PARP8: variants seen among roughly 807,000 people sequenced by gnomAD.
PARP8 encodes the protein protein mono-ADP-ribosyltransferase PARP8.
A neutral mutation model predicts 124.1 loss-of-function variants in PARP8; 51 were observed. The ratio of observed to expected loss-of-function variants is 0.41; its 90% CI spans 0.33 to 0.52. The LOEUF (loss-of-function observed/expected upper bound fraction) is 0.52. PARP8 is among the 20% of genes least tolerant of loss of function. The probability of loss-of-function intolerance (pLI) is 0.21; values close to 1 mark genes in which losing one functional copy is unlikely to be tolerated. For missense variants in PARP8, 860 were observed against 1,018.9 expected, an observed-to-expected ratio of 0.84 and a Z score of 2.12; for synonymous variants, 391 against 361.5, an observed-to-expected ratio of 1.08 and a Z score of -0.93.
intron 2 of PARP8, among the ~76,000 whole-genome samples, chr5:50,678,569 A>G (rs1167848777): frequency 6.6e-6 from 1 of 152,218 alleles, no homozygotes; most frequent in African/African-American, 2.4e-5. Flanking sequence ...TAGATATATG[A>G]GAGAGAAATG....
At chr5:50,775,949 A>G (rs1739964519) in intron 7 of PARP8, among the ~76,000 whole-genome samples, 3 of 152,192 alleles carry the variant, frequency 2.0e-5, no homozygotes, top group Admixed American at 2.0e-4. Context: ...AGAGTGGTGA[A>G]GGTGGGCATC....
chr5:50,668,239 C>T lies in PARP8; in HGVS notation c.146+114C>T, dbSNP rs1749591294. On this transcript the variant is annotated intron_variant, in intron 2 of 25. Transcript: ENST00000281631. Reference sequence around the variant, plus strand: ...TTGCTTGTTTGTTTGATTATTGTGGCTTTTCTTTACCTGCTACCCAAGCCT... The same window carrying T: ...TTGCTTGTTTGTTTGATTATTGTGGTTTTTCTTTACCTGCTACCCAAGCCT... 6.1e-6 allele frequency: 6 copies of T among 983,182 alleles called. 1 individual carries two copies. In the South Asian group the frequency reaches 7.8e-5, roughly 13 times the overall value. 60.9% of individuals were successfully genotyped at this position (983,182 alleles called of 1,614,324 possible). A position where few individuals can be genotyped will look rare whatever the true frequency, so the allele number is the denominator to read the frequency against.
intron 2 of PARP8, among the ~76,000 whole-genome samples, chr5:50,674,706 G>T (rs944711268): frequency 1.3e-5 from 2 of 151,996 alleles, no homozygotes; most frequent in African/African-American, 2.4e-5. Context: ...ACCACCCCCC[G>T]CCCACTCATC....
At chr5:50,818,833 G>C (rs1485678843) in intron 15 of PARP8, among the ~76,000 whole-genome samples, 1 of 152,208 alleles carries the variant, frequency 6.6e-6, no homozygotes, top group Non-Finnish European at 1.5e-5. Context: ...ATCACGGGCA[G>C]CTTAACATGG....
intron 2 of PARP8, among the ~76,000 whole-genome samples, chr5:50,697,333 GA>G (rs1753143889): frequency 6.6e-6 from 1 of 152,142 alleles, no homozygotes; most frequent in Non-Finnish European, 1.5e-5. Context: ...CAGGTGTTTG[GA>G]AAGTTATTGA....
At chr5:50,748,109 C>G (rs577136101) in intron 2 of PARP8, among the ~76,000 whole-genome samples, 2 of 151,678 alleles carry the variant, frequency 1.3e-5, no homozygotes, top group East Asian at 1.9e-4. Context: ...TTTTGTTCCT[C>G]CTTTCCTGCT....
chr5:50,735,007 A>C (rs1434830892), intron 2 of PARP8, among the ~76,000 whole-genome samples: 1 of 152,100 alleles, frequency 6.6e-6, no homozygotes, highest in Non-Finnish European at 1.5e-5. Flanking sequence ...TCTAGTAATA[A>C]CATTACTATA....
intron 21 of PARP8, 115 bp downstream of exon 21, chr5:50,828,499 A>G: frequency 3.4e-6 from 3 of 895,070 alleles, no homozygotes; most frequent in Admixed American, 2.2e-5. Flanking sequence ...GTAAGACATT[A>G]TATGGAATTT....
intron 22 of PARP8, among the ~76,000 whole-genome samples, chr5:50,831,167 A>G (rs1746927784): frequency 6.6e-6 from 1 of 152,218 alleles, no homozygotes; most frequent in Non-Finnish European, 1.5e-5. Context: ...CATGTTAACA[A>G]AAAAAGAAAA....
chr5:50,786,913 G>A (rs1341668206), intron 9 of PARP8, among the ~76,000 whole-genome samples: 1 of 151,834 alleles, frequency 6.6e-6, no homozygotes, highest in Non-Finnish European at 1.5e-5. Flanking sequence ...CTAAATGCTG[G>A]GCTTCTCCAA....
At chr5:50,709,618 G>A (rs1441997645) in intron 2 of PARP8, among the ~76,000 whole-genome samples, 1 of 151,830 alleles carries the variant, frequency 6.6e-6, no homozygotes, top group Non-Finnish European at 1.5e-5. Flanking sequence ...CACCATGGTA[G>A]GAGATAATCA....
chr5:50,800,193 A>G (rs1157101067), intron 14 of PARP8, among the ~76,000 whole-genome samples: 1 of 152,098 alleles, frequency 6.6e-6, no homozygotes, highest in Admixed American at 6.5e-5. Context: ...ATTATTTTTG[A>G]TGTTACTGTA....
At chr5:50,759,557 T>C (rs1231901364) in intron 3 of PARP8, 86 bp from the exon 4 acceptor site, 41 of 1,364,224 alleles carry the variant, frequency 3.0e-5, no homozygotes, top group Non-Finnish European at 3.9e-5. Context: ...ACTAAAGTGA[T>C]GTGCATATAA....
chr5:50,667,592 C>A (rs1749465181), intron 1 of PARP8: 1 of 699,384 alleles, frequency 1.4e-6, no homozygotes, highest in South Asian at 1.5e-5. Flanking sequence ...TGCTGCGCTG[C>A]GCTGCGCTTG....
At chr5:50,668,265 GA>G (rs1749594732) in intron 2 of PARP8, 140 bp downstream of exon 2, 2 of 768,312 alleles carry the variant, frequency 2.6e-6, no homozygotes, top group East Asian at 5.0e-5. Flanking sequence ...ACCCAAGCCT[GA>G]CGTCCCTCGG....
intron 2 of PARP8, among the ~76,000 whole-genome samples, chr5:50,679,445 T>A (rs1751029903): frequency 1.3e-5 from 2 of 152,214 alleles, no homozygotes; most frequent in South Asian, 4.1e-4. Flanking sequence ...TTTCCCTTTC[T>A]TTAGTTGAAT....
intron 14 of PARP8, among the ~76,000 whole-genome samples, chr5:50,813,898 T>G (rs182396339): frequency 6.6e-6 from 1 of 152,274 alleles, no homozygotes; most frequent in Non-Finnish European, 1.5e-5. Context: ...AGTTCAAGGT[T>G]CAGATAAAAA....
At chr5:50,740,076 C>T (rs34241669) in intron 2 of PARP8, among the ~76,000 whole-genome samples, 1 of 151,764 alleles carries the variant, frequency 6.6e-6, no homozygotes, top group Non-Finnish European at 1.5e-5. Flanking sequence ...AGTAAGCATT[C>T]ATTCTACGTA....
chr5:50,757,065 G>A (rs1035269739), intron 3 of PARP8: 5 of 420,582 alleles, frequency 1.2e-5, no homozygotes, highest in Non-Finnish European at 2.4e-5. Context: ...GTTTCTTTAT[G>A]CAACCATCCA....
Sources: gnomAD v4.1 joint callset for allele counts (sites outside exome capture counted in the v4.1 genomes callset) on GRCh38, gnomAD v4.1.1 for gene constraint, MANE v1.5 for transcripts, NCBI Gene and HGNC (gene_info 2026-07-23, HGNC 2026-07-21) for gene names.